Variants in SYN3 observed in about 807,000 individuals in gnomAD.
The protein encoded by SYN3 is synapsin-3.
SYN3 carries 35 observed loss-of-function variants against 65.8 expected under a neutral mutation model. That is an observed-to-expected ratio of 0.53 (90% CI 0.41 to 0.70). SYN3 has a LOEUF of 0.70. Among genes scored for constraint, SYN3 ranks in the 30% least tolerant of loss-of-function variants. SYN3 has a pLI of 0.00. For synonymous variants in SYN3, 270 were observed against 292.9 expected (o/e 0.92, Z 0.80); for missense variants, 680 against 749.0 (o/e 0.91, Z 1.08).
chr22:32,830,467 A>G (rs1432766146), intron 6 of SYN3, among the ~76,000 whole-genome samples: 1 of 152,166 alleles, frequency 6.6e-6, no homozygotes, highest in African/African-American at 2.4e-5. Flanking sequence ...CCAAGTGCTC[A>G]TGTCTTTGCC....
chr22:32,950,162 G>A (rs979057964), intron 3 of SYN3, among the ~76,000 whole-genome samples: 2 of 151,856 alleles, frequency 1.3e-5, no homozygotes, highest in Admixed American at 6.6e-5. Flanking sequence ...GAAACAGAGA[G>A]AGAAAAAGAG....
At position 32,770,126 on chromosome 22, in the gene SYN3, A is replaced by G. The variant is rs866391282; in HGVS notation, c.711+94789T>C. On this transcript the variant is annotated intron_variant, in intron 6 of 13. Coordinates refer to ENST00000358763, the MANE Select transcript of SYN3 (RefSeq NM_003490.4). ...CCCCGAAACCTTGGAGTCACCCTTA[A>G]CTTTTTCTCTTGCACTCCACATCCA... 2.0e-5 allele frequency among the ~76,000 whole-genome samples: 3 copies of G among 152,046 alleles called. No individual in the cohort carries two copies. The South Asian group carries it at 6.2e-4, about 32-fold the overall frequency.
intron 6 of SYN3, among the ~76,000 whole-genome samples, chr22:32,800,950 T>G (rs1470470430): frequency 6.6e-6 from 1 of 152,142 alleles, no homozygotes; most frequent in African/African-American, 2.4e-5. Context: ...CTCTGTTTTG[T>G]TTTCTTCATA....
At chr22:32,550,984 T>C (rs2058405997) in intron 7 of SYN3, among the ~76,000 whole-genome samples, 1 of 152,146 alleles carries the variant, frequency 6.6e-6, no homozygotes, top group Non-Finnish European at 1.5e-5. Context: ...TACATCAAAT[T>C]GTTAATAACC....
chr22:33,003,716 G>T (rs8140234), intron 2 of SYN3, among the ~76,000 whole-genome samples: 15 of 152,200 alleles, frequency 9.9e-5, no homozygotes, highest in Non-Finnish European at 1.8e-4. Context: ...CATTTGCTGG[G>T]GAGAAATTCA....
chr22:33,048,633 C>T (rs1664476022), intron 1 of SYN3, among the ~76,000 whole-genome samples: 1 of 152,168 alleles, frequency 6.6e-6, no homozygotes, highest in South Asian at 2.1e-4. Flanking sequence ...GCCTGTTACC[C>T]CTTCGCCTTC....
chr22:32,572,423 C>CCTGCCT (rs1386335282), intron 7 of SYN3, among the ~76,000 whole-genome samples: 1,968 of 5,270 alleles, frequency 0.37, 229 homozygotes, highest in African/African-American at 0.52. Flanking sequence ...TTCCTTCCTT[C>CCTGCCT]TTCCTTCCTT....
chr22:32,540,145 T>G (rs1168050105), intron 8 of SYN3, among the ~76,000 whole-genome samples: 1 of 152,210 alleles, frequency 6.6e-6, no homozygotes, highest in Admixed American at 6.5e-5. Context: ...AGAGACGATA[T>G]AGCCCGTCAA....
At chr22:32,630,938 G>A (rs2146815977) in intron 6 of SYN3, among the ~76,000 whole-genome samples, 1 of 152,316 alleles carries the variant, frequency 6.6e-6, no homozygotes, top group South Asian at 2.1e-4. Flanking sequence ...CCTTGGCTCT[G>A]AATTTAACAG....
chr22:32,608,063 A>T (rs2059394251), intron 6 of SYN3, among the ~76,000 whole-genome samples: 1 of 152,134 alleles, frequency 6.6e-6, no homozygotes, highest in South Asian at 2.1e-4. Context: ...TGACCCTTTT[A>T]AAAAAAGTAT....
At chr22:32,761,287 T>C (rs1342536238) in intron 6 of SYN3, among the ~76,000 whole-genome samples, 1 of 152,198 alleles carries the variant, frequency 6.6e-6, no homozygotes, top group Non-Finnish European at 1.5e-5. Flanking sequence ...AAAAGCTCTC[T>C]TTCCTTTGGT....
At chr22:32,835,441 A>G (rs2047703126) in intron 6 of SYN3, among the ~76,000 whole-genome samples, 3 of 152,118 alleles carry the variant, frequency 2.0e-5, no homozygotes, top group African/African-American at 7.2e-5. Flanking sequence ...TGAGAATACA[A>G]AACAGGGGTT....
In SYN3 at chr22:32,931,539, G is replaced by A. The variant is rs923293492; in HGVS notation, c.370-58C>T. The A allele has an allele frequency of 3.2e-5, 39 of 1,210,686 alleles. No homozygotes were observed. The Middle Eastern group carries it at 1.1e-3, about 35-fold the overall frequency. 75.0% of individuals were successfully genotyped at this position (1,210,686 alleles called of 1,614,324 possible). A position where few individuals can be genotyped will look rare whatever the true frequency, so the allele number is the denominator to read the frequency against. ...TCAAATACCAACGGTGGTAACAACGGTTAACACATATTGGGTACTTAGAGG... is the reference window on the plus strand; with the variant it reads ...TCAAATACCAACGGTGGTAACAACGATTAACACATATTGGGTACTTAGAGG... On this transcript the variant is annotated intron_variant, in intron 3 of 13. Coordinates refer to ENST00000358763, the MANE Select transcript of SYN3 (RefSeq NM_003490.4).
chr22:32,900,899 C>A lies in SYN3; in HGVS notation c.461+30491G>T, dbSNP rs540204474. On this transcript the variant is annotated intron_variant, in intron 4 of 13. Coordinates refer to ENST00000358763, the MANE Select transcript of SYN3 (RefSeq NM_003490.4). ...ATTTGATCAATATCTGCCCCTTGTCCATTAGACTATCAGCTACATGACGGC... is the reference window on the plus strand; with the variant it reads ...ATTTGATCAATATCTGCCCCTTGTCAATTAGACTATCAGCTACATGACGGC... Among the ~76,000 whole-genome samples the A allele has an allele frequency of 3.2e-4, 48 of 152,312 alleles. No individual in the cohort carries two copies. In the South Asian group the frequency reaches 1.0e-2, roughly 32 times the overall value.
intron 1 of SYN3, among the ~76,000 whole-genome samples, chr22:33,033,701 G>A (rs1414601668): frequency 6.6e-6 from 1 of 152,080 alleles, no homozygotes; most frequent in Non-Finnish European, 1.5e-5. Context: ...CAGTTTCTGG[G>A]AGAGAGATTC....
intron 5 of SYN3, 95 bp downstream of exon 5, chr22:32,868,871 C>T: frequency 7.4e-6 from 9 of 1,215,030 alleles, no homozygotes; most frequent in Admixed American, 2.7e-5. Context: ...ATTTTTACTA[C>T]TGAGGCCTCC....
intron 6 of SYN3, among the ~76,000 whole-genome samples, chr22:32,764,045 C>T (rs542419559): frequency 7.7e-4 from 117 of 151,358 alleles, no homozygotes; most frequent in Non-Finnish European, 1.4e-3. Flanking sequence ...TCAAGTGATT[C>T]TCCTGCCTCA....
chr22:32,668,491 C>CCCT (rs1309733746), intron 6 of SYN3, among the ~76,000 whole-genome samples: 2 of 151,816 alleles, frequency 1.3e-5, no homozygotes, highest in African/African-American at 4.8e-5. Flanking sequence ...ATTTCCCCCT[C>CCCT]CCTCCTCCCT....
chr22:32,936,076 C>A (rs1274818123), intron 3 of SYN3, among the ~76,000 whole-genome samples: 1 of 151,986 alleles, frequency 6.6e-6, no homozygotes, highest in Non-Finnish European at 1.5e-5. Flanking sequence ...AACTGGTGTA[C>A]CCTGAAAAAG....
Sources: allele counts gnomAD v4.1 joint callset (sites outside exome capture counted in the v4.1 genomes callset), GRCh38; gene constraint gnomAD v4.1.1; transcripts MANE v1.5; gene names NCBI Gene and HGNC (gene_info 2026-07-23, HGNC 2026-07-21).